FMN2: variants seen among roughly 807,000 people sequenced by gnomAD.
FMN2 encodes the protein formin 2, also known as formin-2.
Under a neutral mutation model 142.3 loss-of-function variants are expected in FMN2, and 51 were observed. That is an observed-to-expected ratio of 0.36 (90% CI 0.29 to 0.45). FMN2 has a LOEUF of 0.45. FMN2 is among the 20% of genes least tolerant of loss of function. The pLI, the probability that FMN2 is intolerant of heterozygous loss-of-function variation, is 1.00. For missense variants in FMN2, 1,936 were observed against 2,122.8 expected, an observed-to-expected ratio of 0.91 and a Z score of 1.73; for synonymous variants, 882 against 869.8, an observed-to-expected ratio of 1.01 and a Z score of -0.25.
chr1:240,361,132 AATATATGTGT>A (rs1452985674), intron 14 of FMN2, among the ~76,000 whole-genome samples: 9 of 35,710 alleles, frequency 2.5e-4, no homozygotes, highest in Non-Finnish European at 4.1e-4. Flanking sequence ...ATAATAAATA[AATATATGTGT>A]ATATATATAT....
chr1:240,454,839 G>C (rs1046103893), intron 16 of FMN2, among the ~76,000 whole-genome samples: 1 of 65,360 alleles, frequency 1.5e-5, no homozygotes, highest in Non-Finnish European at 3.9e-5. Context: ...TAATATTGAT[G>C]GCAAATTCAA....
At chr1:240,368,309 A>G (rs545117299) in intron 14 of FMN2, among the ~76,000 whole-genome samples, 1 of 152,340 alleles carries the variant, frequency 6.6e-6, no homozygotes, top group East Asian at 1.9e-4. Flanking sequence ...TATAGATCAG[A>G]CTGGGTAGAA....
intron 14 of FMN2, among the ~76,000 whole-genome samples, chr1:240,386,624 C>T (rs1193821826): frequency 6.6e-6 from 1 of 152,150 alleles, no homozygotes; most frequent in East Asian, 1.9e-4. Flanking sequence ...ACACTAATCA[C>T]TGGGTCAAAA....
At chr1:240,417,985 C>A (rs551989994) in intron 15 of FMN2, among the ~76,000 whole-genome samples, 6 of 152,162 alleles carry the variant, frequency 3.9e-5, no homozygotes, top group Admixed American at 3.9e-4. Flanking sequence ...TAATACACTT[C>A]ACCTTATAAT....
intron 8 of FMN2, among the ~76,000 whole-genome samples, chr1:240,300,851 TGA>T (rs1670173187): frequency 6.6e-6 from 1 of 151,926 alleles, no homozygotes; most frequent in Non-Finnish European, 1.5e-5. Context: ...TTTTTTAAAC[TGA>T]TATTTAAATA....
intron 2 of FMN2, among the ~76,000 whole-genome samples, chr1:240,131,696 G>A (rs1394285276): frequency 2.0e-5 from 3 of 151,918 alleles, no homozygotes; most frequent in Non-Finnish European, 4.4e-5. Context: ...GCAGCAGAGC[G>A]AGACTCTGTC....
chr1:240,413,161 A>G (rs2103128918), intron 15 of FMN2, among the ~76,000 whole-genome samples: 1 of 149,802 alleles, frequency 6.7e-6, no homozygotes, highest in East Asian at 2.0e-4. Context: ...CAGCAAATAA[A>G]CATAATAGAG....
rs191355901 is a variant in FMN2, at chr1:240,145,222, C to T, written c.1782+21877C>T. 14 of 1,443,278 alleles carry T rather than the reference C, an allele frequency of 9.7e-6. No individual in the cohort carries two copies. The African/African-American group carries it at 1.9e-4, about 20-fold the overall frequency. The allele number at this position is 1,443,278 out of a possible 1,614,324, so 89.4% of individuals were successfully genotyped here. The stretch of plus-strand genomic sequence containing the variant: ...CAAGCATCTCCAGTTCATCTTGAAG[C>T]TGTTTATCTTCCTCAGACAGCTCCT... On this transcript the variant is annotated intron_variant, in intron 2 of 17. Transcript: ENST00000319653.
intron 15 of FMN2, among the ~76,000 whole-genome samples, chr1:240,404,797 A>G (rs1674094587): frequency 6.6e-6 from 1 of 152,340 alleles, no homozygotes; most frequent in South Asian, 2.1e-4. Context: ...CTGGCCTTGG[A>G]AAGTTATACA....
chr1:240,328,762 G>A lies in FMN2; in HGVS notation c.4216-314G>A, dbSNP rs187221963. On this transcript the variant is annotated intron_variant, in intron 8 of 17. Transcript: ENST00000319653. ...CTGCCACCATGCCCCGCTAATTTTT[G>A]TATTTTTAGTAGAGATGGGGTTTCA... Among the ~76,000 whole-genome samples, 29 of 151,984 alleles carry A rather than the reference G, an allele frequency of 1.9e-4. No homozygotes were observed. In the East Asian group the frequency reaches 5.1e-3, roughly 26 times the overall value.
intron 2 of FMN2, among the ~76,000 whole-genome samples, chr1:240,160,625 G>A (rs1217520678): frequency 1.3e-5 from 2 of 151,806 alleles, no homozygotes; most frequent in East Asian, 1.9e-4. Flanking sequence ...CCCTGATAAA[G>A]GACAATTATA....
intron 2 of FMN2, among the ~76,000 whole-genome samples, chr1:240,148,186 AGACAGG>A (rs1489025550): frequency 2.0e-5 from 3 of 150,992 alleles, no homozygotes; most frequent in Non-Finnish European, 4.5e-5. Flanking sequence ...AGAGAGACAG[AGACAGG>A]GACAGAGACA....
At chr1:240,469,973 A>G (rs9287243) in intron 16 of FMN2, among the ~76,000 whole-genome samples, 102,702 of 152,050 alleles carry the variant, frequency 0.68, 35,735 homozygotes, top group African/African-American at 0.86. Context: ...GGTCTCTGCC[A>G]TAAGGAATGA....
rs1034607740 is a variant in FMN2, at chr1:240,309,302, G to A, written c.4215+14419G>A. On this transcript the variant is annotated intron_variant, in intron 8 of 17. Transcript: ENST00000319653. ...GTTTGCCTGGGCCATAGCTGGTCAC[G>A]TCTCTGGGCAAGCAAGAAAACACAC... Among the ~76,000 whole-genome samples, 6 of 152,282 alleles carry A rather than the reference G, an allele frequency of 3.9e-5. No individual in the cohort carries two copies. The East Asian group carries it at 7.7e-4, about 20-fold the overall frequency.
At chr1:240,157,727 C>A (rs1375367469) in intron 2 of FMN2, among the ~76,000 whole-genome samples, 3 of 151,946 alleles carry the variant, frequency 2.0e-5, no homozygotes, top group African/African-American at 7.3e-5. Flanking sequence ...CATAATATCC[C>A]CATTTTACAG....
At chr1:240,363,493 T>G (rs970453003) in intron 14 of FMN2, among the ~76,000 whole-genome samples, 2 of 152,228 alleles carry the variant, frequency 1.3e-5, no homozygotes, top group African/African-American at 4.8e-5. Flanking sequence ...AAGCCCTTGC[T>G]TGGCCCCTCC....
intron 2 of FMN2, among the ~76,000 whole-genome samples, chr1:240,161,055 T>A (rs1183124880): frequency 6.6e-6 from 1 of 152,168 alleles, no homozygotes; most frequent in East Asian, 1.9e-4. Flanking sequence ...CTAATAAACT[T>A]CATTGAGAAA....
chr1:240,183,418 ATATATAT>A (rs1419173876), intron 3 of FMN2, among the ~76,000 whole-genome samples: 1 of 148,024 alleles, frequency 6.8e-6, no homozygotes, highest in Non-Finnish European at 1.5e-5. Flanking sequence ...ATAATATAAT[ATATATAT>A]TATATGATTA....
chr1:240,423,608 C>T (rs994519368), intron 15 of FMN2, among the ~76,000 whole-genome samples: 2 of 152,098 alleles, frequency 1.3e-5, no homozygotes, highest in African/African-American at 4.8e-5. Flanking sequence ...GCTGTACTCC[C>T]AAAGGACAAT....
Sources: allele counts gnomAD v4.1 joint callset (sites outside exome capture counted in the v4.1 genomes callset), GRCh38; gene constraint gnomAD v4.1.1; transcripts MANE v1.5; gene names NCBI Gene and HGNC (gene_info 2026-07-23, HGNC 2026-07-21).